Variants in TBL1XR1 observed in about 807,000 individuals in gnomAD.
TBL1XR1 encodes the protein TBL1X/Y related 1, also known as F-box-like/WD repeat-containing protein TBL1XR1.
A neutral mutation model predicts 66.9 loss-of-function variants in TBL1XR1; 5 were observed. The observed-to-expected ratio is 0.07, with a 90% CI of 0.04 to 0.16. The LOEUF is 0.16. Among genes scored for constraint, TBL1XR1 ranks in the 10% least tolerant of loss-of-function variants. The probability of loss-of-function intolerance (pLI) is 1.00; values close to 1 mark genes in which losing one functional copy is unlikely to be tolerated. For synonymous variants in TBL1XR1, 210 were observed against 206.0 expected (o/e 1.02, Z -0.17); for missense variants, 238 against 623.2 (o/e 0.38, Z 6.58).
At chr3:177,122,756 A>G (rs149492719) in intron 1 of TBL1XR1, among the ~76,000 whole-genome samples, 4 of 152,298 alleles carry the variant, frequency 2.6e-5, no homozygotes, top group East Asian at 1.9e-4. Flanking sequence ...AGAAGATCAC[A>G]TAAGTGCAGA....
chr3:177,058,809 A>G (rs1718139067), intron 3 of TBL1XR1, among the ~76,000 whole-genome samples: 1 of 152,244 alleles, frequency 6.6e-6, no homozygotes, highest in East Asian at 1.9e-4. Context: ...TTTGGCAACT[A>G]TTAAAGGACC....
intron 1 of TBL1XR1, among the ~76,000 whole-genome samples, chr3:177,146,358 C>G (rs1730241456): frequency 6.6e-6 from 1 of 151,890 alleles, no homozygotes; most frequent in Non-Finnish European, 1.5e-5. Context: ...GTGATCTCGG[C>G]TCACTGCAAC....
chr3:177,152,075 AAT>A (rs2108855972), intron 1 of TBL1XR1, among the ~76,000 whole-genome samples: 1 of 152,312 alleles, frequency 6.6e-6, no homozygotes, highest in African/African-American at 2.4e-5. Flanking sequence ...AGTTGATTCA[AAT>A]GGGTAACAGT....
At chr3:177,196,873 G>A (rs949366701) in intron 1 of TBL1XR1, among the ~76,000 whole-genome samples, 10 of 151,902 alleles carry the variant, frequency 6.6e-5, no homozygotes, top group African/African-American at 2.4e-4. Context: ...GGGTAGGGGG[G>A]TGGGCAGGCA....
chr3:177,049,108 G>A (rs1367804902), intron 7 of TBL1XR1, among the ~76,000 whole-genome samples: 1 of 152,158 alleles, frequency 6.6e-6, no homozygotes, highest in Non-Finnish European at 1.5e-5. Context: ...ACCTAGCTAT[G>A]ATTTCTGAAA....
intron 1 of TBL1XR1, among the ~76,000 whole-genome samples, chr3:177,185,548 T>A (rs1460484854): frequency 3.3e-5 from 5 of 151,476 alleles, no homozygotes; most frequent in Non-Finnish European, 5.9e-5. Flanking sequence ...CGGAGGTCAC[T>A]GTGAGCCAAG....
intron 1 of TBL1XR1, among the ~76,000 whole-genome samples, chr3:177,139,284 G>A (rs896228971): frequency 1.8e-4 from 27 of 152,236 alleles, no homozygotes; most frequent in Non-Finnish European, 3.8e-4. Context: ...CACTTTGGGA[G>A]GCCGAGGCAG....
chr3:177,150,548 A>G (rs1198579201), intron 1 of TBL1XR1, among the ~76,000 whole-genome samples: 1 of 152,210 alleles, frequency 6.6e-6, no homozygotes, highest in African/African-American at 2.4e-5. Context: ...GGAAAACAAA[A>G]CAAAATACGA....
intron 1 of TBL1XR1, among the ~76,000 whole-genome samples, chr3:177,182,603 T>C (rs1471847205): frequency 6.6e-6 from 1 of 152,082 alleles, no homozygotes; most frequent in African/African-American, 2.4e-5. Flanking sequence ...TACCAGATGC[T>C]GAGGGTCAAG....
chr3:177,144,972 A>G (rs922450586), intron 1 of TBL1XR1, among the ~76,000 whole-genome samples: 1 of 152,222 alleles, frequency 6.6e-6, no homozygotes, highest in Non-Finnish European at 1.5e-5. Flanking sequence ...CAGGCTGGCC[A>G]CATTTGGCCT....
At chr3:177,200,653 A>G (rs1737321567), upstream of TBL1XR1, among the ~76,000 whole-genome samples, 1 of 152,192 alleles carries the variant, frequency 6.6e-6, no homozygotes, top group African/African-American at 2.4e-5. Context: ...TTAAATGTTA[A>G]TGTGTTTCTA....
chr3:177,103,046 T>C (rs956757704), intron 1 of TBL1XR1, among the ~76,000 whole-genome samples: 1 of 152,162 alleles, frequency 6.6e-6, no homozygotes, highest in African/African-American at 2.4e-5. Flanking sequence ...TGTTAGTGTC[T>C]AGATATAGAG....
chr3:177,070,070 A>C (rs1248974669), intron 2 of TBL1XR1, among the ~76,000 whole-genome samples: 2 of 152,216 alleles, frequency 1.3e-5, no homozygotes, highest in Non-Finnish European at 2.9e-5. Flanking sequence ...GATAGGGAAC[A>C]CTGACTCATA....
intron 3 of TBL1XR1, among the ~76,000 whole-genome samples, chr3:177,055,601 T>C (rs894126488): frequency 6.8e-4 from 104 of 151,882 alleles, no homozygotes; most frequent in African/African-American, 2.5e-3. Flanking sequence ...GAATTGTCCC[T>C]ATCAGGAAGC....
intron 1 of TBL1XR1, among the ~76,000 whole-genome samples, chr3:177,144,656 G>A (rs1730032141): frequency 6.6e-6 from 1 of 152,056 alleles, no homozygotes; most frequent in East Asian, 1.9e-4. Flanking sequence ...CAGAGGCTGA[G>A]GCAGGAGAAT....
intron 1 of TBL1XR1, chr3:177,120,665 T>C (rs1430170525): frequency 6.6e-6 from 1 of 152,244 alleles, no homozygotes; most frequent in Non-Finnish European, 1.5e-5. Flanking sequence ...CTGATTTTCC[T>C]CTTTCCCAAA....
intron 3 of TBL1XR1, among the ~76,000 whole-genome samples, chr3:177,063,288 T>C (rs951810886): frequency 2.6e-5 from 4 of 152,148 alleles, no homozygotes; most frequent in Non-Finnish European, 5.9e-5. Flanking sequence ...CTGCTCTCAT[T>C]AACACCACTG....
At chr3:177,153,782 C>T (rs1731173207) in intron 1 of TBL1XR1, among the ~76,000 whole-genome samples, 1 of 149,558 alleles carries the variant, frequency 6.7e-6, no homozygotes. Context: ...GAGGTTGAGG[C>T]AGGAGAATCA....
chr3:177,029,503 C>A (rs1713635852), intron 14 of TBL1XR1, among the ~76,000 whole-genome samples: 1 of 151,876 alleles, frequency 6.6e-6, no homozygotes. Flanking sequence ...CAGCTGTGAT[C>A]CCAGCTACTT....
Sources: allele counts gnomAD v4.1 joint callset (sites outside exome capture counted in the v4.1 genomes callset), GRCh38; gene constraint gnomAD v4.1.1; transcripts MANE v1.5; gene names NCBI Gene and HGNC (gene_info 2026-07-23, HGNC 2026-07-21).